Variants in PPP2R2A observed in about 807,000 individuals in gnomAD.
PPP2R2A encodes protein phosphatase 2 regulatory subunit Balpha, also known as serine/threonine-protein phosphatase 2A 55 kDa regulatory subunit B alpha isoform.
Under a neutral mutation model 53.2 loss-of-function variants are expected in PPP2R2A, and 9 were observed. That is an observed-to-expected ratio of 0.17 (90% CI 0.10 to 0.30). PPP2R2A has a LOEUF of 0.30. PPP2R2A is among the 10% of genes least tolerant of loss of function. PPP2R2A has a pLI of 1.00. For missense variants in PPP2R2A, 235 were observed against 534.6 expected, an observed-to-expected ratio of 0.44 and a Z score of 5.53; for synonymous variants, 169 against 174.2, an observed-to-expected ratio of 0.97 and a Z score of 0.23.
chr8:26,324,456 G>A (rs563469644), intron 2 of PPP2R2A, among the ~76,000 whole-genome samples: 1 of 152,356 alleles, frequency 6.6e-6, no homozygotes, highest in East Asian at 1.9e-4. Flanking sequence ...GCCTGTGGGT[G>A]CACAGAAGTC....
chr8:26,313,296 A>G lies in PPP2R2A; in HGVS notation c.82+19556A>G, dbSNP rs1802379332. On this transcript the variant is annotated intron_variant, in intron 2 of 9. Transcript: ENST00000380737. ...GTGGTTTGCCTGCCTTGGCCTCCCA[A>G]AGTGCTGGGATTACAGGGATGAGCC... is the stretch of plus-strand genomic sequence containing the variant. Among the ~76,000 whole-genome samples, 3 of 152,042 alleles carry G rather than the reference A, an allele frequency of 2.0e-5. No individual in the cohort carries two copies. The South Asian group carries it at 6.2e-4, about 32-fold the overall frequency.
intron 2 of PPP2R2A, among the ~76,000 whole-genome samples, chr8:26,303,227 G>A (rs76860729): frequency 0.025 from 3,747 of 152,248 alleles, 222 homozygotes; most frequent in Admixed American, 0.13. Flanking sequence ...CCTTCAGGAC[G>A]TTAAAGTATC....
intron 2 of PPP2R2A, among the ~76,000 whole-genome samples, chr8:26,308,225 C>G (rs1440975535): frequency 1.3e-5 from 2 of 152,232 alleles, no homozygotes; most frequent in African/African-American, 4.8e-5. Flanking sequence ...ATGTTGATGG[C>G]TGTTGACTGA....
rs930714070 is a variant in PPP2R2A at position 26,321,897 on chromosome 8, C to T, written c.83-16993C>T. Among the ~76,000 whole-genome samples the T allele has an allele frequency of 3.3e-5, 5 of 152,220 alleles. No homozygotes were observed. Among genetic ancestry groups the T allele is most frequent in the Admixed American group, 2.6e-4 (4 of 15,274 alleles). ...GGAAGTAACAATGTCAACATTTCCC[C>T]TCCTCGGTCTAAGATTTGAACTTGG... On this transcript the variant is annotated intron_variant, in intron 2 of 9. Transcript: ENST00000380737. The surrounding 1 kb of genome is among the most constrained non-coding windows in gnomAD (Gnocchi z 4.1).
At chr8:26,299,902 A>C (rs1801705231) in intron 2 of PPP2R2A, among the ~76,000 whole-genome samples, 1 of 152,220 alleles carries the variant, frequency 6.6e-6, no homozygotes, top group Non-Finnish European at 1.5e-5. Context: ...CTAATGACCT[A>C]TGGTAAAGGT....
At chr8:26,316,834 C>T (rs1313747223) in intron 2 of PPP2R2A, among the ~76,000 whole-genome samples, 1 of 152,208 alleles carries the variant, frequency 6.6e-6, no homozygotes, top group Non-Finnish European at 1.5e-5. Context: ...TACCGGATCA[C>T]CTGCCAAAGA....
intron 2 of PPP2R2A, among the ~76,000 whole-genome samples, chr8:26,329,869 C>G (rs1803280307): frequency 6.6e-6 from 1 of 152,130 alleles, no homozygotes; most frequent in Non-Finnish European, 1.5e-5. Context: ...TTTGCAAAAT[C>G]ACATCACTAC....
chr8:26,310,472 G>A (rs991632206), intron 2 of PPP2R2A, among the ~76,000 whole-genome samples: 25 of 150,766 alleles, frequency 1.7e-4, no homozygotes, highest in African/African-American at 5.9e-4. Flanking sequence ...TTTTTTTCCA[G>A]TTAACATATA....
chr8:26,292,835 C>A (rs147799268), intron 1 of PPP2R2A, among the ~76,000 whole-genome samples: 1 of 152,234 alleles, frequency 6.6e-6, no homozygotes, highest in African/African-American at 2.4e-5. Context: ...AGTACTTGCA[C>A]GTGAAATAGA....
rs1805677603 is a variant in PPP2R2A at position 26,371,811 on chromosome 8, C to T, written c.*1398C>T. On this transcript the variant is annotated 3_prime_UTR_variant, in exon 10 of 10. Coordinates refer to ENST00000380737, the MANE Select transcript of PPP2R2A (RefSeq NM_002717.4). ...AATACATTTTCCCTAAGCGGTGATA[C>T]ATTATCCAAAGATGAAGAGTGCTCC... 1 of 152,182 alleles carries T rather than the reference C, an allele frequency of 6.6e-6. No individual in the cohort carries two copies. Among genetic ancestry groups the T allele is most frequent in the African/African-American group, 2.4e-5 (1 of 41,454 alleles). The allele number at this position is 152,182 out of a possible 1,614,324, so 9.4% of individuals were successfully genotyped here.
chr8:26,313,264 A>G (rs1240897872), intron 2 of PPP2R2A, among the ~76,000 whole-genome samples: 1 of 151,856 alleles, frequency 6.6e-6, no homozygotes, highest in Non-Finnish European at 1.5e-5. Context: ...CAAACCCCTG[A>G]CCTCAGGTGG....
intron 2 of PPP2R2A, among the ~76,000 whole-genome samples, chr8:26,337,123 G>A (rs907583054): frequency 5.3e-5 from 8 of 152,148 alleles, no homozygotes; most frequent in African/African-American, 1.9e-4. Flanking sequence ...TTGAACAGGA[G>A]AATGAGTCTG....
intron 3 of PPP2R2A, among the ~76,000 whole-genome samples, chr8:26,347,797 A>G (rs1371625440): frequency 2.6e-5 from 4 of 152,192 alleles, no homozygotes; most frequent in African/African-American, 9.7e-5. Flanking sequence ...GCACTCAGTG[A>G]ATGAGTATTA....
rs545358878 is a variant in PPP2R2A at position 26,370,473 on chromosome 8, A to G, written c.*60A>G. On this transcript the variant is annotated 3_prime_UTR_variant, in exon 10 of 10. Coordinates refer to ENST00000380737, the MANE Select transcript of PPP2R2A (RefSeq NM_002717.4). The surrounding 1 kb of genome is among the most constrained non-coding windows in gnomAD (Gnocchi z 6.1). ...CTTAGTTGAGATAGTTGAATCTAGC[A>G]TTCGTTCCTATAAAAGAGAGAGGTC... 6.4e-7 allele frequency: 1 copy of G among 1,556,652 alleles called. No individual in the cohort carries two copies. The highest frequency in any genetic ancestry group is 8.8e-7 in the Non-Finnish European group (1 of 1,139,544).
intron 9 of PPP2R2A, 102 bp downstream of exon 9, chr8:26,366,508 T>C (rs903431836): frequency 1.2e-6 from 1 of 811,240 alleles, no homozygotes; most frequent in Non-Finnish European, 1.9e-6. Flanking sequence ...TTGAAATAAA[T>C]TTAGTAATTT....
chr8:26,298,175 A>G (rs1801625945), intron 2 of PPP2R2A, among the ~76,000 whole-genome samples: 1 of 152,120 alleles, frequency 6.6e-6, no homozygotes, highest in African/African-American at 2.4e-5. Flanking sequence ...AGTAACCTGG[A>G]CATTTTTGTT....
In PPP2R2A at chr8:26,362,913, C is replaced by A; in HGVS notation, c.802+65C>A. On this transcript the variant is annotated intron_variant, in intron 7 of 9. Transcript: ENST00000380737. This position sits in a 1 kb window ranked among gnomAD's most constrained non-coding sequence, Gnocchi z 4.4. Reference sequence around the variant, plus strand: ...CTGTTTGTCTGAAATAAGCCTCAGACATGATAAGTACAATTACAGAGGTTC... The same window carrying A: ...CTGTTTGTCTGAAATAAGCCTCAGAAATGATAAGTACAATTACAGAGGTTC... 6.8e-7 allele frequency: 1 copy of A among 1,475,272 alleles called. No homozygotes were observed. Among genetic ancestry groups the A allele is most frequent in the Non-Finnish European group, 9.3e-7 (1 of 1,074,472 alleles). The allele number at this position is 1,475,272 out of a possible 1,614,324, so 91.4% of individuals were successfully genotyped here.
rs1010504425 is a variant in PPP2R2A at position 26,362,996 on chromosome 8, C to T, written c.802+148C>T. On this transcript the variant is annotated intron_variant, in intron 7 of 9. Transcript: ENST00000380737. The surrounding 1 kb of genome is among the most constrained non-coding windows in gnomAD (Gnocchi z 4.4). Reference sequence around the variant, plus strand: ...GTACCCTTGGTAATCTGCCTACCTCCTCATGAGGCATTCCAGGTTATTCCT... The same window carrying T: ...GTACCCTTGGTAATCTGCCTACCTCTTCATGAGGCATTCCAGGTTATTCCT... 1.5e-6 allele frequency: 1 copy of T among 664,726 alleles called. No homozygotes were observed. The highest frequency in any genetic ancestry group is 3.0e-5 in the Admixed American group (1 of 33,488). 41.2% of individuals were successfully genotyped at this position (664,726 alleles called of 1,614,324 possible).
At chr8:26,300,920 T>C (rs1801753151) in intron 2 of PPP2R2A, among the ~76,000 whole-genome samples, 1 of 152,222 alleles carries the variant, frequency 6.6e-6, no homozygotes, top group African/African-American at 2.4e-5. Context: ...TATATAGTCA[T>C]TGTAAGGAAG....
Sources: gnomAD v4.1 joint callset for allele counts (sites outside exome capture counted in the v4.1 genomes callset) on GRCh38, gnomAD v4.1.1 for gene constraint, Gnocchi (gnomAD v3.1) non-coding constraint, MANE v1.5 for transcripts, NCBI Gene and HGNC (gene_info 2026-07-23, HGNC 2026-07-21) for gene names.